GRAMD4: variants seen among roughly 807,000 people sequenced by gnomAD.
GRAMD4 encodes the protein GRAM domain containing 4, also known as GRAM domain-containing protein 4.
GRAMD4 carries 25 observed loss-of-function variants against 83.9 expected under a neutral mutation model. The ratio of observed to expected loss-of-function variants is 0.30; its 90% CI spans 0.22 to 0.42. The LOEUF (loss-of-function observed/expected upper bound fraction) is 0.42. Ranked by LOEUF, GRAMD4 falls within the 10% of genes least tolerant of loss-of-function variation. The pLI, the probability that GRAMD4 is intolerant of heterozygous loss-of-function variation, is 1.00. For missense variants in GRAMD4, 593 were observed against 788.7 expected, an observed-to-expected ratio of 0.75 and a Z score of 2.97; for synonymous variants, 336 against 320.9, an observed-to-expected ratio of 1.05 and a Z score of -0.50.
In GRAMD4 at chr22:46,637,896, G is replaced by A; in HGVS notation, c.219G>A (p.Glu73=). The change falls in exon 3 of 19, where the codon GAG becomes GAA. Residue 73 remains glutamate, a synonymous_variant. Coordinates refer to ENST00000406902, the MANE Select transcript of GRAMD4 (RefSeq NM_015124.5). ...ATGVQDFNRT[E]FDRLNEIKGH... is the part of the protein sequence containing the mutation. ...GAGTCCAGGACTTTAACCGGACAGAGTTTGATCGACTGAATGAGATCAAAG... is the reference window on the plus strand; with the variant it reads ...GAGTCCAGGACTTTAACCGGACAGAATTTGATCGACTGAATGAGATCAAAG... 6.2e-7 allele frequency: 1 copy of A among 1,613,940 alleles called. No homozygotes were observed. Among genetic ancestry groups the A allele is most frequent in the Non-Finnish European group, 8.5e-7 (1 of 1,179,778 alleles).
At position 46,676,580 on chromosome 22, in the gene GRAMD4, G is replaced by A. The variant is rs2236028; in HGVS notation, c.1564-20G>A. ...GTCCCCAGGAGAGACCTGTGGTGAC[G>A]GCCACGCTTTGCCTTTCAGTACAAG... is the stretch of plus-strand genomic sequence containing the variant. On this transcript the variant is annotated intron_variant, in intron 17 of 18. Coordinates refer to ENST00000406902, the MANE Select transcript of GRAMD4 (RefSeq NM_015124.5). 0.4 allele frequency: 611,855 copies of A among 1,545,070 alleles called. 124,767 individuals are homozygous for A. The highest frequency in any genetic ancestry group is 0.49 in the Middle Eastern group (2,430 of 4,986).
At chr22:46,657,767 GA>G (rs2082265824) in intron 3 of GRAMD4, among the ~76,000 whole-genome samples, 10 of 152,216 alleles carry the variant, frequency 6.6e-5, no homozygotes, top group Admixed American at 6.5e-4. Context: ...ACGCGTCCCA[GA>G]ACCTCACCCA....
intron 3 of GRAMD4, among the ~76,000 whole-genome samples, chr22:46,655,612 G>A (rs1191376273): frequency 6.6e-6 from 1 of 152,186 alleles, no homozygotes; most frequent in Admixed American, 6.5e-5. Context: ...CCCAGAGAGG[G>A]CTGGGGGGTA....
At chr22:46,668,023 C>T (rs1254468672) in intron 10 of GRAMD4, 73 bp from the exon 11 acceptor site, 5 of 1,082,186 alleles carry the variant, frequency 4.6e-6, no homozygotes, top group Non-Finnish European at 7.1e-6. Context: ...GGGAGGGCTC[C>T]ACACTGTTTT....
At chr22:46,658,353 A>AACCCCCCC in intron 4 of GRAMD4, 46 bp downstream of exon 4, 1 of 1,496,356 alleles carries the variant, frequency 6.7e-7, no homozygotes. Flanking sequence ...GGCTGCCCCA[A>AACCCCCCC]CCCCCCACCC....
intron 1 of GRAMD4, among the ~76,000 whole-genome samples, chr22:46,579,288 C>T (rs890477637): frequency 1.1e-4 from 17 of 152,338 alleles, no homozygotes; most frequent in African/African-American, 3.8e-4. Flanking sequence ...TGGAGCCCGG[C>T]GCCGGCGTTA....
chr22:46,678,340 T>C lies in GRAMD4; in HGVS notation c.*1089T>C. On this transcript the variant is annotated 3_prime_UTR_variant, in exon 19 of 19. Coordinates refer to ENST00000406902, the MANE Select transcript of GRAMD4 (RefSeq NM_015124.5). ...GGGCCTGCACTGCCTGCAGCCGACA[T>C]GCGACAGCGTTCCCTCCCCCGCGTG... The C allele has an allele frequency of 1.0e-6, 1 of 985,500 alleles. No individual in the cohort carries two copies. The highest frequency in any genetic ancestry group is 1.2e-6 in the Non-Finnish European group (1 of 829,982). 61.0% of individuals were successfully genotyped at this position (985,500 alleles called of 1,614,324 possible). A position where few individuals can be genotyped will look rare whatever the true frequency, so the allele number is the denominator to read the frequency against.
intron 1 of GRAMD4, among the ~76,000 whole-genome samples, chr22:46,579,993 C>T (rs944732239): frequency 1.3e-5 from 2 of 151,974 alleles, no homozygotes; most frequent in African/African-American, 2.4e-5. Flanking sequence ...GGCCTGGTCA[C>T]CCCCTGCCTG....
At chr22:46,666,977 G>T in intron 10 of GRAMD4, 104 bp downstream of exon 10, 1 of 810,586 alleles carries the variant, frequency 1.2e-6, no homozygotes, top group East Asian at 2.9e-5. Flanking sequence ...AGGCCATGTG[G>T]TCATCCCCCT....
intron 1 of GRAMD4, among the ~76,000 whole-genome samples, chr22:46,599,064 C>T (rs776378060): frequency 6.6e-6 from 1 of 152,064 alleles, no homozygotes; most frequent in Admixed American, 6.5e-5. Context: ...ACACAGAGGC[C>T]GTGACAGAGA....
At chr22:46,637,309 G>A (rs2081905494) in intron 2 of GRAMD4, among the ~76,000 whole-genome samples, 1 of 150,012 alleles carries the variant, frequency 6.7e-6, no homozygotes, top group African/African-American at 2.5e-5. Context: ...CTGGAGCACA[G>A]TGGCGCGATC....
In GRAMD4 at chr22:46,678,554, G is replaced by A. The variant is rs2542027; in HGVS notation, c.*1303G>A. On this transcript the variant is annotated 3_prime_UTR_variant, in exon 19 of 19. Coordinates refer to ENST00000406902, the MANE Select transcript of GRAMD4 (RefSeq NM_015124.5). ...CCTCCTGGAAGGAGGTGGCCACCCCGCGGGCCTGCGTGTCTGCTGGGGCGG... is the reference window on the plus strand; with the variant it reads ...CCTCCTGGAAGGAGGTGGCCACCCCACGGGCCTGCGTGTCTGCTGGGGCGG... 14 of 985,440 alleles carry A rather than the reference G, an allele frequency of 1.4e-5. No individual in the cohort carries two copies. The highest frequency in any genetic ancestry group is 2.3e-4 in the East Asian group (2 of 8,810). 61.0% of individuals were successfully genotyped at this position (985,440 alleles called of 1,614,324 possible).
intron 1 of GRAMD4, among the ~76,000 whole-genome samples, chr22:46,601,568 G>A (rs571827333): frequency 1.3e-5 from 2 of 152,144 alleles, no homozygotes; most frequent in East Asian, 3.9e-4. Flanking sequence ...AGGCTAAGGC[G>A]GGGGGATTAC....
At chr22:46,594,588 G>GC (rs1174978695) in intron 1 of GRAMD4, among the ~76,000 whole-genome samples, 1 of 151,720 alleles carries the variant, frequency 6.6e-6, no homozygotes, top group Non-Finnish European at 1.5e-5. Flanking sequence ...GGTTGGGTGG[G>GC]GGGGGTTAGG....
chr22:46,638,413 GT>G (rs1281386478), intron 3 of GRAMD4, among the ~76,000 whole-genome samples: 2 of 152,388 alleles, frequency 1.3e-5, no homozygotes, highest in East Asian at 3.9e-4. Context: ...CAGGAGGGAG[GT>G]GGGGCAGTAG....
chr22:46,651,482 C>T (rs554008989), intron 3 of GRAMD4, among the ~76,000 whole-genome samples: 7 of 152,328 alleles, frequency 4.6e-5, no homozygotes, highest in Non-Finnish European at 5.9e-5. Flanking sequence ...CCTGGGTCTC[C>T]GCCTGTGACT....
chr22:46,674,151 G>A (rs914438967), intron 15 of GRAMD4, among the ~76,000 whole-genome samples: 4 of 152,246 alleles, frequency 2.6e-5, no homozygotes, highest in African/African-American at 7.2e-5. Flanking sequence ...TGGTTCCATC[G>A]TGTCTGGAGA....
rs1269066592 is a variant in GRAMD4, at chr22:46,599,454, G to T, written c.-50+22164G>T. On this transcript the variant is annotated intron_variant, in intron 1 of 1. Coordinates refer to the GRAMD4 transcript ENST00000431155. Reference sequence around the variant, plus strand: ...CTGCCTCAGCCTCGCAAGTAGCTGGGATTACAGGCTCCTGCCACCATGCCC... The same window carrying T: ...CTGCCTCAGCCTCGCAAGTAGCTGGTATTACAGGCTCCTGCCACCATGCCC... 8.5e-5 allele frequency among the ~76,000 whole-genome samples: 13 copies of T among 152,198 alleles called. 1 individual carries two copies. The South Asian group carries it at 2.7e-3, about 32-fold the overall frequency.
upstream of GRAMD4, among the ~76,000 whole-genome samples, chr22:46,615,839 A>G (rs1395543731): frequency 2.2e-4 from 11 of 49,690 alleles, no homozygotes; most frequent in African/African-American, 3.4e-4. Context: ...CCCATGTGTA[A>G]GTTCCCCCGT....
Sources: allele counts gnomAD v4.1 joint callset (sites outside exome capture counted in the v4.1 genomes callset), GRCh38; gene constraint gnomAD v4.1.1; transcripts MANE v1.5; gene names NCBI Gene and HGNC (gene_info 2026-07-23, HGNC 2026-07-21).